The following PEAK1 variants were observed in gnomAD, a reference collection of about 807,000 sequenced individuals.
The protein encoded by PEAK1 is pseudopodium enriched atypical kinase 1.
Under a neutral mutation model 124.7 loss-of-function variants are expected in PEAK1, and 54 were observed. That is an observed-to-expected ratio of 0.43 (90% CI 0.35 to 0.54). The LOEUF (loss-of-function observed/expected upper bound fraction) is 0.54. Ranked by LOEUF, PEAK1 falls within the 20% of genes least tolerant of loss-of-function variation. PEAK1 has a pLI of 0.01. For synonymous variants in PEAK1, 719 were observed against 760.0 expected, an observed-to-expected ratio of 0.95 and a Z score of 0.89; for missense variants, 2,046 against 2,134.5, an observed-to-expected ratio of 0.96 and a Z score of 0.82.
intron 9 of PEAK1, among the ~76,000 whole-genome samples, chr15:77,116,362 A>G (rs1190881317): frequency 6.6e-6 from 1 of 152,188 alleles, no homozygotes; most frequent in Non-Finnish European, 1.5e-5. Context: ...CACATTACAA[A>G]TATCAAAGGC....
intron 7 of PEAK1, among the ~76,000 whole-genome samples, chr15:77,169,599 C>G (rs1302352529): frequency 6.6e-6 from 1 of 152,134 alleles, no homozygotes; most frequent in Non-Finnish European, 1.5e-5. Flanking sequence ...GAAGAGGGTA[C>G]TTGGCTGTTC....
chr15:77,404,634 AC>A (rs2071654588), intron 1 of PEAK1: 2 of 943,572 alleles, frequency 2.1e-6, no homozygotes, highest in Admixed American at 6.2e-5. Context: ...TTTAAGATAT[AC>A]CCAAGAGATT....
chr15:77,419,712 G>T, intron 1 of PEAK1: 1 of 970,344 alleles, frequency 1.0e-6, no homozygotes, highest in South Asian at 4.8e-5. Flanking sequence ...TCCTCTGGGG[G>T]GCGTCGCGCT....
intron 7 of PEAK1, among the ~76,000 whole-genome samples, chr15:77,175,483 C>A (rs1027873127): frequency 8.6e-5 from 13 of 151,348 alleles, no homozygotes; most frequent in South Asian, 2.1e-4. Flanking sequence ...ATTTATGCAG[C>A]CAAAAGACAC....
chr15:77,323,053 T>C (rs2065333277), intron 2 of PEAK1, among the ~76,000 whole-genome samples: 1 of 152,164 alleles, frequency 6.6e-6, no homozygotes, highest in African/African-American at 2.4e-5. Context: ...TCTCAATAGA[T>C]GCAGAAAAGG....
chr15:77,362,290 T>C (rs1403173768), intron 2 of PEAK1, among the ~76,000 whole-genome samples: 2 of 152,080 alleles, frequency 1.3e-5, no homozygotes, highest in African/African-American at 4.8e-5. Context: ...CACTAACATA[T>C]ATGTACTAAA....
chr15:77,362,701 T>G (rs1339657629), intron 2 of PEAK1, among the ~76,000 whole-genome samples: 2 of 151,996 alleles, frequency 1.3e-5, no homozygotes, highest in East Asian at 1.9e-4. Flanking sequence ...ACACAAAAAC[T>G]TATACACAAA....
rs150025345 is a variant in PEAK1, at chr15:77,193,633, G to A, written c.-114-11593C>T. ...AGCCTGGCCAACATGGCGAAACCCC[G>A]TCTCTACTAAAAATACAAAAATTAG... On this transcript the variant is annotated intron_variant, in intron 6 of 9. Transcript: ENST00000682557. Among the ~76,000 whole-genome samples, 24 of 152,176 alleles carry A rather than the reference G, an allele frequency of 1.6e-4. No homozygotes were observed. The Middle Eastern group carries it at 0.014, about 86-fold the overall frequency.
intron 8 of PEAK1, among the ~76,000 whole-genome samples, chr15:77,144,551 C>CA (rs1214354000): frequency 6.6e-6 from 1 of 152,204 alleles, no homozygotes; most frequent in African/African-American, 2.4e-5. Flanking sequence ...GACTGAGAGA[C>CA]AGAGTCAACA....
chr15:77,158,627 A>G lies in PEAK1; in HGVS notation c.3207T>C (p.Asp1069=), dbSNP rs1408432783. 3 of 1,614,108 alleles carry G rather than the reference A, an allele frequency of 1.9e-6. No individual in the cohort carries two copies. Among genetic ancestry groups the G allele is most frequent in the Admixed American group, 1.7e-5 (1 of 60,016 alleles). ...RDPRTVVGKQ[D]GRGCTSVTTA... is the part of the protein sequence containing the mutation. ...TTGTGACTGAAGTGCAGCCCCTGCC[A>G]TCTTGCTTCCCAACAACAGTTCTTG... is the stretch of plus-strand genomic sequence containing the variant. The change falls in exon 8 of 10, where the codon GAT becomes GAC. Residue 1069 remains aspartate (D), a synonymous_variant. Coordinates refer to ENST00000682557, the MANE Select transcript of PEAK1 (RefSeq NM_001385026.1).
At chr15:77,139,529 T>A (rs886968710) in intron 8 of PEAK1, among the ~76,000 whole-genome samples, 2 of 152,212 alleles carry the variant, frequency 1.3e-5, no homozygotes, top group African/African-American at 4.8e-5. Context: ...ACAATGGCTA[T>A]GTCACTAGGT....
intron 6 of PEAK1, among the ~76,000 whole-genome samples, chr15:77,194,575 C>T (rs2058015289): frequency 6.6e-6 from 1 of 152,168 alleles, no homozygotes; most frequent in Non-Finnish European, 1.5e-5. Context: ...TAACTGCTCC[C>T]TTCCCCAGAT....
At chr15:77,314,742 T>C (rs2064765964) in intron 2 of PEAK1, among the ~76,000 whole-genome samples, 2 of 152,184 alleles carry the variant, frequency 1.3e-5, no homozygotes, top group Admixed American at 1.3e-4. Flanking sequence ...ATGGCCTTAA[T>C]ATACTACTTA....
chr15:77,302,733 C>T (rs2063854557), intron 2 of PEAK1, among the ~76,000 whole-genome samples: 2 of 152,112 alleles, frequency 1.3e-5, no homozygotes, highest in South Asian at 4.1e-4. Context: ...ACTCTTTTGC[C>T]ACATTTTGCA....
At chr15:77,370,274 A>G (rs1489271108) in intron 1 of PEAK1, among the ~76,000 whole-genome samples, 1 of 152,154 alleles carries the variant, frequency 6.6e-6, no homozygotes, top group Admixed American at 6.5e-5. Flanking sequence ...TTTGACATCC[A>G]TGATACCTTT....
chr15:77,384,435 T>C (rs566012954), intron 1 of PEAK1, among the ~76,000 whole-genome samples: 6 of 152,312 alleles, frequency 3.9e-5, no homozygotes, highest in South Asian at 2.1e-4. Flanking sequence ...CTGAATGGTA[T>C]TGCACTTTCC....
intron 7 of PEAK1, among the ~76,000 whole-genome samples, chr15:77,177,497 G>A (rs1359865840): frequency 6.6e-6 from 1 of 151,980 alleles, no homozygotes. Flanking sequence ...CATTTTGCTA[G>A]GAAAAGTAAA....
In PEAK1 at chr15:77,180,525, C is replaced by A. The variant is rs764480796; in HGVS notation, c.1402G>T (p.Glu468Ter). The A allele has an allele frequency of 6.2e-7, 1 of 1,614,044 alleles. No homozygotes were observed. Among genetic ancestry groups the A allele is most frequent in the Admixed American group, 1.7e-5 (1 of 60,000 alleles). ...QAKPYRVVNL[E>*]QPLCKPYTVV... Reference sequence around the variant, plus strand: ...GTATATGGCTTGCACAATGGCTGTTCCAGGTTCACAACTCGGTAAGGTTTT... The same window carrying A: ...GTATATGGCTTGCACAATGGCTGTTACAGGTTCACAACTCGGTAAGGTTTT... Residue 468 changes from glutamate to a stop codon, truncating the protein, a stop_gained, in exon 7 of 10, where the codon GAA becomes TAA. Transcript: ENST00000682557. LOFTEE classifies it high-confidence loss of function.
intron 2 of PEAK1, among the ~76,000 whole-genome samples, chr15:77,317,288 T>G (rs1317249841): frequency 6.6e-6 from 1 of 152,176 alleles, no homozygotes; most frequent in South Asian, 2.1e-4. Flanking sequence ...ATGCATTATT[T>G]TTATGAACAG....
Sources: allele counts gnomAD v4.1 joint callset (sites outside exome capture counted in the v4.1 genomes callset), GRCh38; gene constraint gnomAD v4.1.1; transcripts MANE v1.5; gene names NCBI Gene and HGNC (gene_info 2026-07-23, HGNC 2026-07-21).